The following SLC24A2 variants were observed in gnomAD, a reference collection of about 807,000 sequenced individuals.
SLC24A2 encodes the protein sodium/potassium/calcium exchanger 2.
In SLC24A2, 36 loss-of-function variants were observed where a neutral mutation model predicts 62.0. The observed-to-expected ratio is 0.58, with a 90% CI of 0.44 to 0.77. SLC24A2 has a LOEUF of 0.77. Among genes scored for constraint, SLC24A2 ranks in the 30% least tolerant of loss-of-function variants. SLC24A2 has a pLI of 0.00. For missense variants in SLC24A2, 846 were observed against 817.9 expected, an observed-to-expected ratio of 1.03 and a Z score of -0.42; for synonymous variants, 358 against 294.0, an observed-to-expected ratio of 1.22 and a Z score of -2.23.
chr9:20,159,474 T>C, the SLC24A2 span, among the ~76,000 whole-genome samples: 1 of 151,748 alleles, frequency 6.6e-6, no homozygotes, highest in African/African-American at 2.4e-5. Flanking sequence ...TTTTAACCAA[T>C]ATATAAGTAG....
At chr9:19,516,510 C>G in intron 10 of SLC24A2, 108 bp from the exon 11 acceptor site, 3 of 1,349,602 alleles carry the variant, frequency 2.2e-6, no homozygotes, top group Non-Finnish European at 3.1e-6. Flanking sequence ...GAACTCTAAA[C>G]TGAAAAGGGT....
chr9:19,597,121 A>G (rs890169099), intron 5 of SLC24A2, 108 bp downstream of exon 5: 2 of 771,182 alleles, frequency 2.6e-6, no homozygotes, highest in African/African-American at 1.7e-5. Flanking sequence ...AAGTCACACA[A>G]TGTCACTGAA....
chr9:20,088,343 T>C, the SLC24A2 span, among the ~76,000 whole-genome samples: 3 of 152,184 alleles, frequency 2.0e-5, no homozygotes, highest in African/African-American at 7.2e-5. Context: ...TTTTGCAGCC[T>C]TAGCCGTTAT....
the SLC24A2 span, among the ~76,000 whole-genome samples, chr9:19,822,112 T>G: frequency 6.6e-6 from 1 of 152,140 alleles, no homozygotes; most frequent in Non-Finnish European, 1.5e-5. Flanking sequence ...GTGCTGGAAG[T>G]TGTACTTTTT....
chr9:19,675,880 T>C (rs1819546878), intron 2 of SLC24A2, among the ~76,000 whole-genome samples: 2 of 152,172 alleles, frequency 1.3e-5, no homozygotes, highest in South Asian at 4.1e-4. Context: ...TCCAGGAAAC[T>C]TCATGTTTGG....
chr9:20,199,945 G>A, the SLC24A2 span, among the ~76,000 whole-genome samples: 631 of 146,102 alleles, frequency 4.3e-3, 4 homozygotes, highest in African/African-American at 0.015. Context: ...TGGCCAGGCT[G>A]GTCTTGAACT....
the SLC24A2 span, among the ~76,000 whole-genome samples, chr9:20,156,727 C>T: frequency 7.2e-5 from 11 of 151,840 alleles, no homozygotes; most frequent in East Asian, 1.8e-3. Context: ...ACCAAATGTT[C>T]CACCAATGTC....
chr9:19,531,859 A>G (rs1328968144), intron 8 of SLC24A2, among the ~76,000 whole-genome samples: 1 of 152,168 alleles, frequency 6.6e-6, no homozygotes, highest in Non-Finnish European at 1.5e-5. Context: ...GAGAAATAAC[A>G]TCTAGTTGTT....
chr9:19,990,988 TTA>T, the SLC24A2 span, among the ~76,000 whole-genome samples: 3 of 145,960 alleles, frequency 2.1e-5, no homozygotes, highest in Non-Finnish European at 3.0e-5. Context: ...TATGTATGTA[TTA>T]TATATGTGTG....
the SLC24A2 span, among the ~76,000 whole-genome samples, chr9:20,215,604 A>G: frequency 6.6e-6 from 1 of 152,158 alleles, no homozygotes; most frequent in African/African-American, 2.4e-5. Flanking sequence ...CTTCTTATAT[A>G]CACTTACCAA....
At chr9:20,227,311 GT>G in the SLC24A2 span, among the ~76,000 whole-genome samples, 1 of 152,060 alleles carries the variant, frequency 6.6e-6, no homozygotes, top group African/African-American at 2.4e-5. Context: ...GTGATGGTGT[GT>G]AACCTCACTT....
intron 2 of SLC24A2, among the ~76,000 whole-genome samples, chr9:19,679,742 C>A (rs563171392): frequency 6.6e-6 from 1 of 152,112 alleles, no homozygotes; most frequent in South Asian, 2.1e-4. Context: ...ACACCACTGG[C>A]TTTCTTCGTT....
At chr9:19,880,559 G>C in the SLC24A2 span, among the ~76,000 whole-genome samples, 9 of 152,196 alleles carry the variant, frequency 5.9e-5, no homozygotes, top group Non-Finnish European at 8.8e-5. Context: ...ATCTAGGTGA[G>C]AGAAGTTGAT....
the SLC24A2 span, among the ~76,000 whole-genome samples, chr9:20,188,754 G>A: frequency 6.6e-6 from 1 of 152,028 alleles, no homozygotes; most frequent in African/African-American, 2.4e-5. Context: ...TCTAGAAACT[G>A]GAAAAAGCAA....
chr9:20,132,274 C>A, the SLC24A2 span, among the ~76,000 whole-genome samples: 3 of 151,810 alleles, frequency 2.0e-5, no homozygotes, highest in Non-Finnish European at 4.4e-5. Flanking sequence ...CCATTGGAAC[C>A]GAGAATTAGA....
At chr9:19,998,127 A>G in the SLC24A2 span, among the ~76,000 whole-genome samples, 1 of 152,184 alleles carries the variant, frequency 6.6e-6, no homozygotes, top group Non-Finnish European at 1.5e-5. Context: ...CATTGTCTCA[A>G]TTGGTCTTCA....
chr9:19,683,072 T>C lies in SLC24A2; in HGVS notation c.931-60773A>G, dbSNP rs1383364771. Among the ~76,000 whole-genome samples, 3 of 152,164 alleles carry C rather than the reference T, an allele frequency of 2.0e-5. No homozygotes were observed. The South Asian group carries it at 6.2e-4, about 32-fold the overall frequency. On this transcript the variant is annotated intron_variant, in intron 2 of 10. Transcript: ENST00000341998. ...AATTTCATTCCTAGCATAATGCTGA[T>C]GCAAAATTTCAGTGCAGGGCATTTG... is the stretch of plus-strand genomic sequence containing the variant.
At position 19,509,620 on chromosome 9, in the gene SLC24A2, G is replaced by C. The variant is rs1832639921; in HGVS notation, c.*6533C>G. 2 of 152,166 alleles carry C rather than the reference G, an allele frequency of 1.3e-5. No individual in the cohort carries two copies. The highest frequency in any genetic ancestry group is 4.8e-5 in the African/African-American group (2 of 41,438). The allele number at this position is 152,166 out of a possible 1,614,324, so 9.4% of individuals were successfully genotyped here. A position where few individuals can be genotyped will look rare whatever the true frequency, so the allele number is the denominator to read the frequency against. On this transcript the variant is annotated 3_prime_UTR_variant, in exon 11 of 11. Coordinates refer to ENST00000341998, the MANE Select transcript of SLC24A2 (RefSeq NM_020344.4). ...TTATTCTGATAAGAATTGGGGATTT[G>C]TTTAATTAAATGGCAAGAAGTTATC... is the stretch of plus-strand genomic sequence containing the variant.
the SLC24A2 span, among the ~76,000 whole-genome samples, chr9:19,920,767 T>C: frequency 6.6e-6 from 1 of 152,104 alleles, no homozygotes; most frequent in Non-Finnish European, 1.5e-5. Flanking sequence ...GACACAACAG[T>C]GAGTTCTAGG....
Sources: allele counts gnomAD v4.1 joint callset (sites outside exome capture counted in the v4.1 genomes callset), GRCh38; gene constraint gnomAD v4.1.1; transcripts MANE v1.5; gene names NCBI Gene and HGNC (gene_info 2026-07-23, HGNC 2026-07-21).